NOBOX: variants seen among roughly 807,000 people sequenced by gnomAD.
NOBOX encodes the protein NOBOX oogenesis homeobox, also known as homeobox protein NOBOX.
In NOBOX, 46 loss-of-function variants were observed where a neutral mutation model predicts 60.2. The observed-to-expected ratio is 0.76, with a 90% CI of 0.60 to 0.98. The LOEUF (loss-of-function observed/expected upper bound fraction) is 0.98, where lower values mean the gene tolerates loss of function less well. Ranked by LOEUF, NOBOX falls within the 50% of genes least tolerant of loss-of-function variation. The pLI is 0.00. For missense variants in NOBOX, 880 were observed against 865.5 expected, an observed-to-expected ratio of 1.02 and a Z score of -0.21; for synonymous variants, 360 against 346.3, an observed-to-expected ratio of 1.04 and a Z score of -0.44.
rs1208179 is a variant in NOBOX, at chr7:144,410,186, A to G, written c.42T>C (p.Gly14=). 249,131 of 1,569,332 alleles carry G rather than the reference A, an allele frequency of 0.16. 21,381 individuals carry two copies. Among genetic ancestry groups the G allele is most frequent in the South Asian group, 0.22 (19,063 of 85,184 alleles). ...CATCCTTGTCTCTGGTGTCCCAGGTACCCTCCAGGTCTGGTGATGTTAGTG... is the reference window on the plus strand; with the variant it reads ...CATCCTTGTCTCTGGTGTCCCAGGTGCCCTCCAGGTCTGGTGATGTTAGTG... Residue 14 remains glycine, a synonymous_variant, in exon 1 of 10, where the codon GGT becomes GGC. Transcript: ENST00000467773.
chr7:144,401,022 G>A lies in NOBOX; in HGVS notation c.844+24C>T, dbSNP rs1487989152. The A allele has an allele frequency of 1.4e-5, 21 of 1,484,066 alleles. No individual in the cohort carries two copies. Among genetic ancestry groups the A allele is most frequent in the African/African-American group, 2.8e-5 (2 of 71,272 alleles). The allele number at this position is 1,484,066 out of a possible 1,614,324, so 91.9% of individuals were successfully genotyped here. A position where few individuals can be genotyped will look rare whatever the true frequency, so the allele number is the denominator to read the frequency against. The stretch of plus-strand genomic sequence containing the variant: ...CCCCAGGATGACCCCAGATCTCTTC[G>A]GTTTCCTCTCTTTAGGGACTTACCT... On this transcript the variant is annotated intron_variant, in intron 4 of 9. Coordinates refer to ENST00000467773, the MANE Select transcript of NOBOX (RefSeq NM_001080413.3). This position sits in a 1 kb window ranked among gnomAD's most constrained non-coding sequence, Gnocchi z 4.2.
In NOBOX at chr7:144,404,802, T is replaced by G. The variant is rs533630018; in HGVS notation, c.86-122A>C. The G allele has an allele frequency of 8.8e-4, 1,012 of 1,144,600 alleles. 1 individual carries two copies. Among genetic ancestry groups the G allele is most frequent in the Non-Finnish European group, 1.1e-3 (907 of 797,746 alleles). The allele number at this position is 1,144,600 out of a possible 1,614,324, so 70.9% of individuals were successfully genotyped here. A position where few individuals can be genotyped will look rare whatever the true frequency, so the allele number is the denominator to read the frequency against. ...GGGGTGCAGCCTTATGATTCCTGGTTCACGGAATGTTTCTTACTATCTTTA... is the reference window on the plus strand; with the variant it reads ...GGGGTGCAGCCTTATGATTCCTGGTGCACGGAATGTTTCTTACTATCTTTA... On this transcript the variant is annotated intron_variant, in intron 1 of 9. Transcript: ENST00000467773.
chr7:144,406,262 A>G (rs534395793), intron 1 of NOBOX, among the ~76,000 whole-genome samples: 3 of 152,298 alleles, frequency 2.0e-5, no homozygotes, highest in African/African-American at 7.2e-5. Context: ...AATTTAAAAT[A>G]TTGGCATTTT....
At chr7:144,402,748 A>ATTTTTT (rs1218483822) in intron 2 of NOBOX, among the ~76,000 whole-genome samples, 21 of 93,426 alleles carry the variant, frequency 2.2e-4, no homozygotes, top group African/African-American at 7.5e-4. Flanking sequence ...AAGGAATAAC[A>ATTTTTT]TTTTTTTTTT....
chr7:144,400,020 A>C lies in NOBOX; in HGVS notation c.1047+90T>G, dbSNP rs2053925224. On this transcript the variant is annotated intron_variant, in intron 5 of 9. Coordinates refer to ENST00000467773, the MANE Select transcript of NOBOX (RefSeq NM_001080413.3). ...GGCTGGTTTTATCAAAAGTCTCTGC[A>C]GTGCCTTCCTCTCCTAATGCTCTCA... The C allele has an allele frequency of 4.9e-6, 7 of 1,420,062 alleles. No individual in the cohort carries two copies. The East Asian group carries it at 9.2e-5, about 19-fold the overall frequency. The allele number at this position is 1,420,062 out of a possible 1,614,324, so 88.0% of individuals were successfully genotyped here.
downstream of NOBOX, chr7:144,397,216 T>C (rs758265577): frequency 4.0e-6 from 6 of 1,510,734 alleles, no homozygotes; most frequent in South Asian, 7.4e-5. Flanking sequence ...CCAAGCAGCC[T>C]CTTTTCACTC....
chr7:144,404,272 G>A (rs377403533), intron 2 of NOBOX, among the ~76,000 whole-genome samples: 5 of 152,136 alleles, frequency 3.3e-5, no homozygotes, highest in East Asian at 3.8e-4. Context: ...TTTTTGAGAC[G>A]GAGTCTTGCT....
chr7:144,399,784 G>A lies in NOBOX; in HGVS notation c.1127C>T (p.Ala376Val). ...GCATTGACTGCTGGCAGGGCCAGGG[G>A]CTGCAGGATTGTCCTTGCTTTCTTT... Residue 376 changes from alanine to valine, a missense_variant, in exon 6 of 10, where the codon GCC (alanine) becomes GTC (valine). Transcript: ENST00000467773. 1.2e-6 allele frequency: 2 copies of A among 1,612,728 alleles called. No homozygotes were observed. The highest frequency in any genetic ancestry group is 1.1e-5 in the South Asian group (1 of 90,692).
intron 4 of NOBOX, 114 bp downstream of exon 2, chr7:144,400,932 G>A: frequency 2.4e-6 from 2 of 818,672 alleles, no homozygotes; most frequent in Non-Finnish European, 3.5e-6. Context: ...GGGACGAAGT[G>A]ACATACAAAC....
At chr7:144,400,059 T>C (rs2053925551) in intron 5 of NOBOX, 147 bp downstream of exon 3, 1 of 1,567,544 alleles carries the variant, frequency 6.4e-7, no homozygotes, top group Non-Finnish European at 8.7e-7. Flanking sequence ...TGTGGCACTC[T>C]GGAAACAGTC....
chr7:144,402,964 C>T (rs1263723052), intron 2 of NOBOX, among the ~76,000 whole-genome samples: 1 of 152,020 alleles, frequency 6.6e-6, no homozygotes, highest in Admixed American at 6.6e-5. Flanking sequence ...GCCATGTTGG[C>T]CAGGCTGGTC....
intron 8 of NOBOX, 144 bp from the exon 7 acceptor site, chr7:144,398,730 T>C (rs2053912925): frequency 1.5e-6 from 1 of 665,630 alleles, no homozygotes; most frequent in African/African-American, 1.8e-5. Flanking sequence ...CTGCCTCTTC[T>C]CCCCACTCCC....
intron 2 of NOBOX, 147 bp downstream of exon 1, chr7:144,403,510 T>TCCCCCCCCCCC: frequency 2.3e-5 from 8 of 349,458 alleles, no homozygotes; most frequent in South Asian, 1.0e-4. Context: ...GTCGGCCTCC[T>TCCCCCCCCCCC]CCCACCCTAC....
intron 1 of NOBOX, among the ~76,000 whole-genome samples, chr7:144,407,935 T>A (rs1036861317): frequency 1.3e-5 from 2 of 152,256 alleles, no homozygotes; most frequent in African/African-American, 2.4e-5. Context: ...TAATTTAGAA[T>A]GTACTTTCAC....
intron 1 of NOBOX, among the ~76,000 whole-genome samples, chr7:144,408,748 T>C (rs1321371531): frequency 2.0e-5 from 3 of 152,318 alleles, no homozygotes; most frequent in Admixed American, 6.5e-5. Context: ...GGATCATTGT[T>C]CAGTGACAAA....
In NOBOX at chr7:144,397,353, C is replaced by T. The variant is rs768978008; in HGVS notation, c.1963G>A (p.Gly655Arg). The change falls in exon 10 of 10, where the codon GGG (glycine) becomes AGG (arginine). Residue 655 changes from glycine (G) to arginine (R), a missense_variant. Gly to Arg is a moderately radical substitution (Grantham distance 125). Transcript: ENST00000467773. ...GCCTTGCTGAGTAAGGGCCCAGTCC[C>T]TGGTCTGGCCCCTTCAGGCATCCAT... 1.3e-6 allele frequency: 2 copies of T among 1,537,266 alleles called. No homozygotes were observed. Among genetic ancestry groups the T allele is most frequent in the South Asian group, 1.2e-5 (1 of 84,066 alleles).
At chr7:144,404,874 GA>G (rs1346029726) in intron 1 of NOBOX, among the ~76,000 whole-genome samples, 3 of 152,190 alleles carry the variant, frequency 2.0e-5, no homozygotes, top group Non-Finnish European at 4.4e-5. Context: ...TCTGAGCGGG[GA>G]GGGGTAGAAA....
chr7:144,400,401 C>G (rs2128861512), intron 4 of NOBOX, 89 bp from the exon 3 acceptor site: 2 of 1,167,348 alleles, frequency 1.7e-6, no homozygotes, highest in Non-Finnish European at 2.5e-6. Context: ...GTATCTCCAA[C>G]AGATGGGGCC....
At position 144,401,118 on chromosome 7, in the gene NOBOX, T is replaced by C; in HGVS notation, c.772A>G (p.Arg258Gly). ...TCCGGGGGCCCCTGCTTGTGGTCTC[T>C]GTTTTGGTTGCTCTGCGCCAATGTA... The change falls in exon 4 of 10, where the codon AGA (arginine) becomes GGA (glycine). Residue 258 changes from arginine to glycine, a missense_variant. By Grantham distance (125) the Arg-to-Gly change is moderately radical (BLOSUM62 -2). Transcript: ENST00000467773. This position sits in a 1 kb window ranked among gnomAD's most constrained non-coding sequence, Gnocchi z 4.2. 6.4e-7 allele frequency: 1 copy of C among 1,567,840 alleles called. No homozygotes were observed. Among genetic ancestry groups the C allele is most frequent in the Non-Finnish European group, 8.6e-7 (1 of 1,158,700 alleles).
Sources: gnomAD v4.1 joint callset for allele counts (sites outside exome capture counted in the v4.1 genomes callset) on GRCh38, gnomAD v4.1.1 for gene constraint, Gnocchi (gnomAD v3.1) non-coding constraint, MANE v1.5 for transcripts, NCBI Gene and HGNC (gene_info 2026-07-23, HGNC 2026-07-21) for gene names.